Variants in CENPN observed in about 807,000 individuals in gnomAD.
The protein encoded by CENPN is interphase centromere complex protein 32.
CENPN carries 36 observed loss-of-function variants against 48.6 expected under a neutral mutation model. That is an observed-to-expected ratio of 0.74 (90% confidence interval 0.57 to 0.98). The LOEUF (loss-of-function observed/expected upper bound fraction) is 0.98. Among genes scored for constraint, CENPN ranks in the 50% least tolerant of loss-of-function variants. The pLI, the probability that CENPN is intolerant of heterozygous loss-of-function variation, is 0.00. For missense variants in CENPN, 439 were observed against 399.2 expected (o/e 1.10, Z -0.85); for synonymous variants, 166 against 135.2 (o/e 1.23, Z -1.58).
intron 1 of CENPN, among the ~76,000 whole-genome samples, chr16:81,010,379 T>C (rs1338035639): frequency 1.3e-5 from 2 of 152,172 alleles, no homozygotes; most frequent in Admixed American, 6.6e-5. Context: ...TCCTTCCTTA[T>C]TCCTGCAGCC....
At chr16:81,018,581 C>T (rs1970030800) in intron 5 of CENPN, among the ~76,000 whole-genome samples, 1 of 152,128 alleles carries the variant, frequency 6.6e-6, no homozygotes, top group South Asian at 2.1e-4. Context: ...CTTGATTTTA[C>T]AGATGTTTTT....
chr16:81,018,272 C>T (rs2151687662), intron 5 of CENPN, among the ~76,000 whole-genome samples: 1 of 151,962 alleles, frequency 6.6e-6, no homozygotes, highest in East Asian at 1.9e-4. Context: ...CTCCTGGGTT[C>T]AAGCAATTCT....
At chr16:81,013,185 T>A (rs969196786) in intron 2 of CENPN, among the ~76,000 whole-genome samples, 1 of 152,210 alleles carries the variant, frequency 6.6e-6, no homozygotes, top group African/African-American at 2.4e-5. Context: ...ACAGTGGATA[T>A]ACTCAGCAGT....
At chr16:81,017,909 AG>A (rs1970000399) in intron 5 of CENPN, 75 bp downstream of exon 5, 1 of 842,596 alleles carries the variant, frequency 1.2e-6, no homozygotes, top group Non-Finnish European at 1.9e-6. Flanking sequence ...CTACTATCAT[AG>A]TTTTTTTTTA....
chr16:81,017,316 C>A lies in CENPN; in HGVS notation c.218-10C>A. 1 of 1,577,562 alleles carries A rather than the reference C, an allele frequency of 6.3e-7. No individual in the cohort carries two copies. The highest frequency in any genetic ancestry group is 8.7e-7 in the Non-Finnish European group (1 of 1,148,284). On this transcript the variant is annotated splice_polypyrimidine_tract_variant and intron_variant, in intron 3 of 10. Transcript: ENST00000305850. ...ATATGCTAGTAATAAAGCTTTCTTC[C>A]CTCTCTCAGATATGCAATTTCATCA...
intron 5 of CENPN, among the ~76,000 whole-genome samples, chr16:81,018,983 A>G (rs951974462): frequency 6.6e-6 from 1 of 152,128 alleles, no homozygotes; most frequent in Admixed American, 6.5e-5. Context: ...TAAATTCCAG[A>G]CCAATTGGCA....
intron 5 of CENPN, among the ~76,000 whole-genome samples, chr16:81,018,330 T>C (rs1412801863): frequency 6.6e-6 from 1 of 151,922 alleles, no homozygotes; most frequent in East Asian, 1.9e-4. Context: ...CGCACCACCA[T>C]GCCCAGCTAA....
At chr16:81,013,278 A>G in intron 2 of CENPN, among the ~76,000 whole-genome samples, 1 of 152,266 alleles carries the variant, frequency 6.6e-6, no homozygotes, top group Non-Finnish European at 1.5e-5. Flanking sequence ...GACCAAAAAA[A>G]TGAGTACACA....
At position 81,013,500 on chromosome 16, in the gene CENPN, G is replaced by A. The variant is rs1239102370; in HGVS notation, c.172-636G>A. ...CCCAGCACTTTGGAAGGCCAAGGCAGGCAGATCATTTGGGTTAGGAGACCA... is the reference window on the plus strand; with the variant it reads ...CCCAGCACTTTGGAAGGCCAAGGCAAGCAGATCATTTGGGTTAGGAGACCA... On this transcript the variant is annotated intron_variant, in intron 2 of 10. Transcript: ENST00000305850. Among the ~76,000 whole-genome samples the A allele has an allele frequency of 2.0e-5, 3 of 152,172 alleles. No homozygotes were observed. In the East Asian group the frequency reaches 5.8e-4, roughly 29 times the overall value.
intron 1 of CENPN, among the ~76,000 whole-genome samples, chr16:81,009,465 G>C (rs1409318112): frequency 6.6e-6 from 1 of 152,128 alleles, no homozygotes; most frequent in Non-Finnish European, 1.5e-5. Flanking sequence ...CAGGGGCCAC[G>C]CAACACGGGG....
chr16:81,021,267 C>T (rs767734241), intron 6 of CENPN, among the ~76,000 whole-genome samples: 12 of 152,108 alleles, frequency 7.9e-5, no homozygotes, highest in Non-Finnish European at 1.5e-4. Context: ...GCCTCTGTTC[C>T]GAGCCTGCTT....
intron 1 of CENPN, among the ~76,000 whole-genome samples, chr16:81,010,041 A>G (rs1969677742): frequency 6.6e-6 from 1 of 152,122 alleles, no homozygotes; most frequent in African/African-American, 2.4e-5. Context: ...TCTACTAAAG[A>G]TACAAAAATT....
In CENPN at chr16:81,028,951, G is replaced by A. The variant is rs1243959852; in HGVS notation, c.*300G>A. The A allele has an allele frequency of 2.8e-6, 3 of 1,056,540 alleles. No individual in the cohort carries two copies. Among genetic ancestry groups the A allele is most frequent in the Non-Finnish European group, 3.4e-6 (3 of 876,854 alleles). The allele number at this position is 1,056,540 out of a possible 1,614,324, so 65.4% of individuals were successfully genotyped here. On this transcript the variant is annotated 3_prime_UTR_variant, in exon 11 of 11. Transcript: ENST00000305850. ...GCTCTGAAATCAAGCATATGGCACA[G>A]CGCTCAAGACTTTTGGGTTTGTGTC...
chr16:81,020,081 T>C lies in CENPN; in HGVS notation c.355-19T>C. On this transcript the variant is annotated intron_variant, in intron 5 of 10. Transcript: ENST00000305850. ...ATTTTAATTAGGAAATTAAGCCTTT[T>C]TTTTTTTTCTTTAATAAGGTGACAG... 2 of 1,585,836 alleles carry C rather than the reference T, an allele frequency of 1.3e-6. No individual in the cohort carries two copies. Among genetic ancestry groups the C allele is most frequent in the African/African-American group, 1.4e-5 (1 of 72,814 alleles).
At position 81,008,595 on chromosome 16, in the gene CENPN, C is replaced by T. The variant is rs142438688; in HGVS notation, c.-11+1318C>T. On this transcript the variant is annotated intron_variant, in intron 1 of 10. Coordinates refer to ENST00000305850, the MANE Select transcript of CENPN (RefSeq NM_001100624.3). ...CCATGTTGGCCTGGGTGGTCTTGAA[C>T]GACTGACCTCAAGTGATACACCACG... Among the ~76,000 whole-genome samples the T allele has an allele frequency of 1.2e-3, 190 of 152,248 alleles. 3 individuals carry two copies. Among genetic ancestry groups the T allele is most frequent in the African/African-American group, 4.4e-3 (182 of 41,536 alleles).
chr16:81,015,390 G>A (rs1969893806), intron 3 of CENPN, among the ~76,000 whole-genome samples: 1 of 152,190 alleles, frequency 6.6e-6, no homozygotes, highest in Admixed American at 6.5e-5. Flanking sequence ...GACATCTCTG[G>A]TATTATCATT....
intron 9 of CENPN, among the ~76,000 whole-genome samples, chr16:81,026,906 T>A (rs367624764): frequency 1.3e-5 from 2 of 152,182 alleles, no homozygotes; most frequent in South Asian, 2.1e-4. Flanking sequence ...TTCTCCTGCC[T>A]CAGCCTCCCG....
intron 3 of CENPN, 125 bp downstream of exon 3, chr16:81,014,306 C>G: frequency 1.4e-6 from 1 of 724,930 alleles, no homozygotes; most frequent in Non-Finnish European, 2.4e-6. Flanking sequence ...GCCATCTCAG[C>G]TCACCGCGAC....
rs899498842 is a variant in CENPN at position 81,031,239 on chromosome 16, T to G, written c.*2588T>G. 1.3e-5 allele frequency: 2 copies of G among 151,572 alleles called. No homozygotes were observed. The highest frequency in any genetic ancestry group is 2.9e-5 in the Non-Finnish European group (2 of 67,954). The allele number at this position is 151,572 out of a possible 1,614,324, so 9.4% of individuals were successfully genotyped here. A position where few individuals can be genotyped will look rare whatever the true frequency, so the allele number is the denominator to read the frequency against. On this transcript the variant is annotated 3_prime_UTR_variant, in exon 11 of 11. Transcript: ENST00000305850. ...AATTGGGCCAAATTGCGATGACCAC[T>G]GCATCCTGGAAAATTTTATTTCACC...
Sources: allele counts gnomAD v4.1 joint callset (sites outside exome capture counted in the v4.1 genomes callset), GRCh38; gene constraint gnomAD v4.1.1; transcripts MANE v1.5; gene names NCBI Gene and HGNC (gene_info 2026-07-23, HGNC 2026-07-21).